The following TONSL variants were observed in gnomAD, a reference collection of about 807,000 sequenced individuals.
TONSL encodes tonsoku like, DNA repair protein, also known as tonsoku-like protein.
Under a neutral mutation model 147.1 loss-of-function variants are expected in TONSL, and 112 were observed. That is an observed-to-expected ratio of 0.76 (90% CI 0.65 to 0.89). The LOEUF is 0.89. Ranked by LOEUF, TONSL falls within the 40% of genes least tolerant of loss-of-function variation. TONSL has a pLI of 0.00. For synonymous variants in TONSL, 868 were observed against 801.5 expected, an observed-to-expected ratio of 1.08 and a Z score of -1.40; for missense variants, 1,883 against 1,864.6, an observed-to-expected ratio of 1.01 and a Z score of -0.18.
At position 144,441,978 on chromosome 8, in the gene TONSL, G is replaced by A. The variant is rs1295868643; in HGVS notation, c.865+59C>T. On this transcript the variant is annotated intron_variant, in intron 7 of 25. Coordinates refer to ENST00000409379, the MANE Select transcript of TONSL (RefSeq NM_013432.5). ...TACACACCTGGCGGGACTCCACCCCGCCCCCAGGCTCACCCCTGCACACAC... is the reference window on the plus strand; with the variant it reads ...TACACACCTGGCGGGACTCCACCCCACCCCCAGGCTCACCCCTGCACACAC... 2.3e-5 allele frequency: 35 copies of A among 1,499,690 alleles called. No individual in the cohort carries two copies. The South Asian group carries it at 2.9e-4, about 12-fold the overall frequency. The allele number at this position is 1,499,690 out of a possible 1,614,324, so 92.9% of individuals were successfully genotyped here.
In TONSL at chr8:144,440,087, C is replaced by T. The variant is rs371647051; in HGVS notation, c.1414G>A (p.Glu472Lys). 1 of 1,608,128 alleles carries T rather than the reference C, an allele frequency of 6.2e-7. No individual in the cohort carries two copies. The change falls in exon 11 of 26, where the codon GAG becomes AAG. Residue 472 changes from glutamate (E) to lysine (K), a missense_variant. Glu to Lys is a moderately conservative substitution (Grantham distance 56). Transcript: ENST00000409379. The part of the protein sequence containing the change: ...AEDEDEEEEA[E>K]EAAATAESEA... ...CTCTCCGCTGTGGCTGCCGCCTCCT[C>T]CGCCTCCTCCTCCTCATCTTCATCT...
chr8:144,440,455 T>C lies in TONSL; in HGVS notation c.1186A>G (p.Ile396Val). The C allele has an allele frequency of 6.2e-7, 1 of 1,603,080 alleles. No individual in the cohort carries two copies. The highest frequency in any genetic ancestry group is 8.5e-7 in the Non-Finnish European group (1 of 1,173,220). Reference protein sequence around the residue: ...VLEEAKTWLNIALSREEAGDA... With the variant: ...VLEEAKTWLNVALSREEAGDA... ...CCGGCCTCCTCGCGGGACAGTGCAATGTTCAGCCAGGTCTTGGCCTCCTGG... is the reference window on the plus strand; with the variant it reads ...CCGGCCTCCTCGCGGGACAGTGCAACGTTCAGCCAGGTCTTGGCCTCCTGG... The change falls in exon 10 of 26, where the codon ATT (isoleucine) becomes GTT (valine). Residue 396 changes from isoleucine to valine, a missense_variant. Ile to Val is a conservative substitution (Grantham distance 29). Transcript: ENST00000409379.
In TONSL at chr8:144,436,575, G is replaced by A. The variant is rs747508334; in HGVS notation, c.1997C>T (p.Ala666Val). The A allele has an allele frequency of 1.5e-5, 24 of 1,610,658 alleles. No homozygotes were observed. Among genetic ancestry groups the A allele is most frequent in the East Asian group, 4.5e-5 (2 of 44,876 alleles). The change falls in exon 16 of 26, where the codon GCG (alanine) becomes GTG (valine). Residue 666 changes from alanine (A) to valine (V), a missense_variant. Transcript: ENST00000409379. ...CTGCTTGCCTTGGCCCGAGGCAGCC[G>A]CCTGGAGCAGCATCTCCATGGCCCT... ...KARAMEMLLQ[A>V]AASGQDPHSS... is the part of the protein sequence containing the mutation.
At chr8:144,436,984 G>T in intron 14 of TONSL, 43 bp downstream of exon 14, 1 of 1,612,882 alleles carries the variant, frequency 6.2e-7, no homozygotes, top group East Asian at 2.2e-5. Context: ...TTCGCCCCAC[G>T]TGTCCACCAA....
chr8:144,443,870 G>T lies in TONSL; in HGVS notation c.264+12C>A. 6.5e-7 allele frequency: 1 copy of T among 1,544,142 alleles called. No homozygotes were observed. Among genetic ancestry groups the T allele is most frequent in the Non-Finnish European group, 8.7e-7 (1 of 1,146,512 alleles). On this transcript the variant is annotated intron_variant, in intron 3 of 25. Transcript: ENST00000409379. Reference sequence around the variant, plus strand: ...CGACCGGGCTGGACGAGGCCAGTGAGGGCGCCCGCACCTGCAAGGCAGCCG... The same window carrying T: ...CGACCGGGCTGGACGAGGCCAGTGATGGCGCCCGCACCTGCAAGGCAGCCG...
intron 7 of TONSL, 28 bp from the exon 8 acceptor site, chr8:144,441,139 G>C (rs761217297): frequency 6.2e-7 from 1 of 1,609,836 alleles, no homozygotes; most frequent in South Asian, 1.1e-5. Context: ...ATGCAGGGGG[G>C]CAGCACAGGG....
intron 7 of TONSL, 105 bp downstream of exon 7, chr8:144,441,932 T>C (rs1823733658): frequency 2.1e-6 from 2 of 951,878 alleles, no homozygotes; most frequent in African/African-American, 1.6e-5. Flanking sequence ...TCAGGCCTCC[T>C]CTGTGAGGGA....
In TONSL at chr8:144,444,265, C is replaced by A. The variant is rs909314173; in HGVS notation, c.36G>T (p.Lys12Asn). The A allele has an allele frequency of 2.1e-6, 3 of 1,452,238 alleles. No individual in the cohort carries two copies. Among genetic ancestry groups the A allele is most frequent in the Non-Finnish European group, 2.7e-6 (3 of 1,104,076 alleles). The allele number at this position is 1,452,238 out of a possible 1,614,324, so 90.0% of individuals were successfully genotyped here. The change falls in exon 2 of 26, where the codon AAG becomes AAT. Residue 12 changes from lysine (K) to asparagine (N), a missense_variant. Physicochemically the swap from Lys to Asn is moderately conservative, Grantham distance 94. Transcript: ENST00000409379. ...SLERELRQLS[K>N]AKAKAQRAGQ... ...CGGCCCTCTGCGCCTTGGCTTTCGC[C>A]TTGCTCAGCTCTGTGGGAGGAAGAG...
Position 144,434,998 on chromosome 8 carries a change from C to A in TONSL, c.3006+19G>T, listed in dbSNP as rs200936668. 3 of 1,611,976 alleles carry A rather than the reference C, an allele frequency of 1.9e-6. No homozygotes were observed. The highest frequency in any genetic ancestry group is 2.2e-5 in the East Asian group (1 of 44,852). On this transcript the variant is annotated intron_variant, in intron 19 of 25. Transcript: ENST00000409379. The stretch of plus-strand genomic sequence containing the variant: ...CCCGGTGCCTGAGGCCCTGGCTCCC[C>A]CTCCGCTCTGCGGCTCACCTCGTCA...
At position 144,434,816 on chromosome 8, in the gene TONSL, C is replaced by T. The variant is rs980357465; in HGVS notation, c.3080G>A (p.Gly1027Glu). The change falls in exon 20 of 26, where the codon GGG (glycine) becomes GAG (glutamate). Residue 1027 changes from glycine (G) to glutamate (E), a missense_variant. Physicochemically the swap from Gly to Glu is moderately conservative, Grantham distance 98. Transcript: ENST00000409379. The part of the protein sequence containing the change: ...DRYRRACQSL[G>E]QGEHQQVLQA... ...GCAGCTCTCCTGGCCCTCACCTTGCCCCAGGCTCTGGCAGGCCCTGCGGTA... is the reference window on the plus strand; with the variant it reads ...GCAGCTCTCCTGGCCCTCACCTTGCTCCAGGCTCTGGCAGGCCCTGCGGTA... 8 of 1,613,372 alleles carry T rather than the reference C, an allele frequency of 5.0e-6. No homozygotes were observed. Among genetic ancestry groups the T allele is most frequent in the South Asian group, 1.1e-5 (1 of 91,072 alleles).
rs782452422 is a variant in TONSL, at chr8:144,432,430, G to T, written c.3590C>A (p.Ser1197Tyr). ...GGCAGGGGCTCCCAGGGCGTTGTAG[G>T]ACAGGGACAGGGTCTTCAGGTGCTC... Reference protein sequence around the residue: ...DAEHLKTLSLSYNALGAPALA... With the variant: ...DAEHLKTLSLYYNALGAPALA... Residue 1197 changes from serine (S) to tyrosine (Y), a missense_variant, in exon 23 of 26, where the codon TCC (serine) becomes TAC (tyrosine). Coordinates refer to ENST00000409379, the MANE Select transcript of TONSL (RefSeq NM_013432.5). 5.1e-6 allele frequency: 8 copies of T among 1,571,228 alleles called. No individual in the cohort carries two copies. Among genetic ancestry groups the T allele is most frequent in the Non-Finnish European group, 6.9e-6 (8 of 1,161,690 alleles).
At chr8:144,439,211 C>T (rs2129669495) in intron 11 of TONSL, among the ~76,000 whole-genome samples, 1 of 152,284 alleles carries the variant, frequency 6.6e-6, no homozygotes, top group South Asian at 2.1e-4. Context: ...GCAGCAGACA[C>T]ACCCGCCTCC....
At position 144,436,171 on chromosome 8, in the gene TONSL, C is replaced by T. The variant is rs1823447997; in HGVS notation, c.2262G>A (p.Arg754=). 1 of 1,572,696 alleles carries T rather than the reference C, an allele frequency of 6.4e-7. No homozygotes were observed. Among genetic ancestry groups the T allele is most frequent in the Non-Finnish European group, 8.6e-7 (1 of 1,165,026 alleles). ...AGCACCGAGGCCTCTTCTGGGACGG[C>T]CGTGCGGGGCCTGCGCTGTCCTCGC... ...SEGEDSAGPA[R]PSQKRPRCSA... is the part of the protein sequence containing the mutation. Residue 754 remains arginine, a synonymous_variant, in exon 17 of 26, where the codon CGG becomes CGA. Transcript: ENST00000409379.
intron 13 of TONSL, 63 bp from the exon 14 acceptor site, chr8:144,437,162 G>A (rs1398132134): frequency 3.3e-6 from 5 of 1,530,820 alleles, no homozygotes; most frequent in East Asian, 2.3e-5. Flanking sequence ...CCAGCCCCGT[G>A]AGCTCTGCAG....
At chr8:144,442,976 C>A (rs1032997621) in intron 4 of TONSL, 162 bp downstream of exon 4, 11 of 1,227,824 alleles carry the variant, frequency 9.0e-6, no homozygotes, top group Non-Finnish European at 1.2e-5. Flanking sequence ...AGCTGACGAT[C>A]TCCAGGGGAA....
Position 144,443,129 on chromosome 8 carries a change from T to C in TONSL, c.448+9A>G, listed in dbSNP as rs1454590986. 1.0e-5 allele frequency: 16 copies of C among 1,548,266 alleles called. No individual in the cohort carries two copies. The highest frequency in any genetic ancestry group is 1.4e-5 in the Non-Finnish European group (16 of 1,145,482). ...TCAGGAGGCAGAAAACGCGGAGGGG[T>C]CTGCCCACCCTCCAGCTCCTCATCC... On this transcript the variant is annotated intron_variant, in intron 4 of 25. Transcript: ENST00000409379.
chr8:144,441,436 C>CA, intron 7 of TONSL: 1 of 252,182 alleles, frequency 4.0e-6, no homozygotes, highest in Non-Finnish European at 7.7e-6. Context: ...ACTAAAAATA[C>CA]AAAAAATCAG....
At chr8:144,436,502 C>A in intron 16 of TONSL, 56 bp downstream of exon 16, 2 of 1,583,190 alleles carry the variant, frequency 1.3e-6, no homozygotes, top group Non-Finnish European at 1.7e-6. Flanking sequence ...AAATCAGGGC[C>A]CGGGGACTCT....
Position 144,442,422 on chromosome 8 carries a change from G to T in TONSL, c.579-10C>A. The T allele has an allele frequency of 1.3e-6, 2 of 1,530,414 alleles. No homozygotes were observed. Among genetic ancestry groups the T allele is most frequent in the Non-Finnish European group, 8.8e-7 (1 of 1,138,616 alleles). 94.8% of individuals were successfully genotyped at this position (1,530,414 alleles called of 1,614,324 possible). On this transcript the variant is annotated splice_polypyrimidine_tract_variant and intron_variant, in intron 5 of 25. Coordinates refer to ENST00000409379, the MANE Select transcript of TONSL (RefSeq NM_013432.5). ...GTAAAGGTGGTTCTGCCTGCAGAGG[G>T]GTGACGACCACTGAGCACCCAGGAG...
Sources: gnomAD v4.1 joint callset for allele counts (sites outside exome capture counted in the v4.1 genomes callset) on GRCh38, gnomAD v4.1.1 for gene constraint, MANE v1.5 for transcripts, NCBI Gene and HGNC (gene_info 2026-07-23, HGNC 2026-07-21) for gene names.